Variants in PRIMPOL observed in about 807,000 individuals in gnomAD.
PRIMPOL encodes the protein DNA-directed primase/polymerase protein.
In PRIMPOL, 54 loss-of-function variants were observed where a neutral mutation model predicts 63.6. The observed-to-expected ratio is 0.85, with a 90% CI of 0.68 to 1.07. PRIMPOL has a LOEUF of 1.07. Ranked by LOEUF, PRIMPOL falls within the 50% of genes least tolerant of loss-of-function variation. The probability of loss-of-function intolerance (pLI) is 0.00; values close to 1 mark genes in which losing one functional copy is unlikely to be tolerated. For synonymous variants in PRIMPOL, 197 were observed against 220.2 expected (o/e 0.89, Z 0.93); for missense variants, 610 against 648.3 (o/e 0.94, Z 0.64).
At chr4:184,660,101 G>A (rs1247110959) in intron 4 of PRIMPOL, among the ~76,000 whole-genome samples, 1 of 150,886 alleles carries the variant, frequency 6.6e-6, no homozygotes, top group Non-Finnish European at 1.5e-5. Flanking sequence ...GATTACAGGT[G>A]TGAGCCACTG....
At chr4:184,653,001 G>GGAA (rs1560922150) in intron 2 of PRIMPOL, among the ~76,000 whole-genome samples, 31 of 144 alleles carry the variant, frequency 0.22, 14 homozygotes, top group African/African-American at 0.23. Context: ...GAAGGAAGAA[G>GGAA]GGAAGGAAGG....
rs569250491 is a variant in PRIMPOL at position 184,653,318 on chromosome 4, C to T, written c.-60+1218C>T. On this transcript the variant is annotated intron_variant, in intron 2 of 13. Transcript: ENST00000314970. ...GGGAAGCTGGGGCTACTTAGGTCTG[C>T]GTCATCTCTCCCCTTCCATCCCTGC... 9.2e-5 allele frequency among the ~76,000 whole-genome samples: 14 copies of T among 152,274 alleles called. No homozygotes were observed. In the South Asian group the frequency reaches 1.0e-3, roughly 11 times the overall value.
At chr4:184,651,248 G>A (rs1450288884) in intron 1 of PRIMPOL, among the ~76,000 whole-genome samples, 7 of 150,930 alleles carry the variant, frequency 4.6e-5, no homozygotes, top group Non-Finnish European at 7.4e-5. Context: ...CTGAGATTGC[G>A]CCACTGCACT....
At chr4:184,676,388 C>CT (rs1753424357) in intron 7 of PRIMPOL, among the ~76,000 whole-genome samples, 1 of 88,076 alleles carries the variant, frequency 1.1e-5, no homozygotes, top group Non-Finnish European at 2.3e-5. Flanking sequence ...CCCTTCCTTT[C>CT]CCTTCCCTTC....
chr4:184,678,411 T>A lies in PRIMPOL; in HGVS notation c.1007+17T>A. On this transcript the variant is annotated intron_variant, in intron 8 of 13. Coordinates refer to ENST00000314970, the MANE Select transcript of PRIMPOL (RefSeq NM_152683.4). ...CAATGTCAGGTATGTAGTAGCAGCA[T>A]CAAACCATTTTGTATTCATGAATAT... is the stretch of plus-strand genomic sequence containing the variant. 1 of 1,568,136 alleles carries A rather than the reference T, an allele frequency of 6.4e-7. No homozygotes were observed. The highest frequency in any genetic ancestry group is 1.8e-4 in the Middle Eastern group (1 of 5,626).
intron 11 of PRIMPOL, among the ~76,000 whole-genome samples, chr4:184,686,009 C>T (rs1036680897): frequency 6.6e-6 from 1 of 152,100 alleles, no homozygotes; most frequent in Non-Finnish European, 1.5e-5. Flanking sequence ...ACCATGTTGG[C>T]CAGGCTGGTC....
chr4:184,686,100 G>T (rs766574343), intron 11 of PRIMPOL, among the ~76,000 whole-genome samples: 1 of 152,108 alleles, frequency 6.6e-6, no homozygotes, highest in Non-Finnish European at 1.5e-5. Context: ...GCACTCAGCT[G>T]TTGTATTAAA....
At chr4:184,693,473 G>T (rs1172723046) in intron 13 of PRIMPOL, among the ~76,000 whole-genome samples, 1 of 152,144 alleles carries the variant, frequency 6.6e-6, no homozygotes, top group African/African-American at 2.4e-5. Context: ...GATATATAAT[G>T]AACACCCATG....
chr4:184,660,040 T>C (rs61474617), intron 4 of PRIMPOL, among the ~76,000 whole-genome samples: 6,638 of 151,588 alleles, frequency 0.044, 482 homozygotes, highest in African/African-American at 0.15. Flanking sequence ...AGGCTGATCT[T>C]GAACTCCTGA....
intron 13 of PRIMPOL, among the ~76,000 whole-genome samples, chr4:184,692,823 G>GC (rs1561105887): frequency 6.6e-6 from 1 of 151,958 alleles, no homozygotes; most frequent in African/African-American, 2.4e-5. Flanking sequence ...AATCTGGTAG[G>GC]CAAAATGCAG....
chr4:184,661,016 T>A (rs1279218879), intron 4 of PRIMPOL, among the ~76,000 whole-genome samples: 7 of 152,240 alleles, frequency 4.6e-5, no homozygotes, highest in South Asian at 2.1e-4. Context: ...CAGAATTTTT[T>A]AAGCAATTTT....
At chr4:184,659,914 G>A (rs1259256668) in intron 4 of PRIMPOL, among the ~76,000 whole-genome samples, 1 of 151,954 alleles carries the variant, frequency 6.6e-6, no homozygotes, top group Non-Finnish European at 1.5e-5. Context: ...TCTGCCTCCC[G>A]AGTGCAAGTC....
At chr4:184,669,997 A>C (rs1751135933) in intron 6 of PRIMPOL, among the ~76,000 whole-genome samples, 1 of 152,218 alleles carries the variant, frequency 6.6e-6, no homozygotes, top group South Asian at 2.1e-4. Flanking sequence ...TGATCTGCCT[A>C]AAAATACTCT....
chr4:184,654,225 A>G (rs1342908536), intron 2 of PRIMPOL, among the ~76,000 whole-genome samples: 1 of 152,252 alleles, frequency 6.6e-6, no homozygotes, highest in African/African-American at 2.4e-5. Context: ...AGTTATTGGT[A>G]GATACTAGCT....
chr4:184,691,637 G>A, intron 12 of PRIMPOL, 29 bp from the exon 13 acceptor site: 3 of 1,604,222 alleles, frequency 1.9e-6, no homozygotes, highest in Non-Finnish European at 2.6e-6. Context: ...ACTGTAATAT[G>A]TAATAGTTTT....
At chr4:184,654,729 A>G (rs1387413713) in intron 2 of PRIMPOL, among the ~76,000 whole-genome samples, 3 of 152,012 alleles carry the variant, frequency 2.0e-5, no homozygotes, top group African/African-American at 7.2e-5. Context: ...TGGGATTACA[A>G]GCGTGAGCCA....
chr4:184,687,533 G>A (rs565357449), intron 11 of PRIMPOL, among the ~76,000 whole-genome samples: 5 of 152,254 alleles, frequency 3.3e-5, no homozygotes, highest in South Asian at 4.1e-4. Flanking sequence ...CCAGTATCCC[G>A]ATTTTGTGTT....
intron 5 of PRIMPOL, among the ~76,000 whole-genome samples, chr4:184,663,029 T>TATTATTATG (rs1441500719): frequency 2.9e-5 from 4 of 140,166 alleles, no homozygotes; most frequent in Admixed American, 1.4e-4. Flanking sequence ...TTATTATTAT[T>TATTATTATG]ATTATTATTA....
intron 11 of PRIMPOL, 34 bp downstream of exon 11, chr4:184,685,718 C>A: frequency 1.1e-6 from 1 of 910,392 alleles, no homozygotes. Flanking sequence ...TGTATTTAAC[C>A]AATATTATAT....
Sources: gnomAD v4.1 joint callset for allele counts (sites outside exome capture counted in the v4.1 genomes callset) on GRCh38, gnomAD v4.1.1 for gene constraint, MANE v1.5 for transcripts, NCBI Gene and HGNC (gene_info 2026-07-23, HGNC 2026-07-21) for gene names.